Variants in HMGCLL1 observed in about 807,000 individuals in gnomAD.
The protein encoded by HMGCLL1 is 3-hydroxymethyl-3-methylglutaryl-CoA lyase, cytoplasmic.
A neutral mutation model predicts 39.1 loss-of-function variants in HMGCLL1; 36 were observed. The observed-to-expected ratio is 0.92, with a 90% CI of 0.71 to 1.22. The LOEUF (loss-of-function observed/expected upper bound fraction) is 1.22. HMGCLL1 is among the 50% of genes most tolerant of loss of function. The pLI is 0.00. For missense variants in HMGCLL1, 451 were observed against 416.5 expected, an observed-to-expected ratio of 1.08 and a Z score of -0.72; for synonymous variants, 149 against 144.0, an observed-to-expected ratio of 1.03 and a Z score of -0.25.
At chr6:55,609,238 A>T in the HMGCLL1 span, among the ~76,000 whole-genome samples, 1 of 152,032 alleles carries the variant, frequency 6.6e-6, no homozygotes. Context: ...TCCCTGGGGG[A>T]GGGGTGGCAG....
intron 7 of HMGCLL1, 22 bp from the exon 8 acceptor site, chr6:55,439,581 C>T (rs368293693): frequency 6.2e-6 from 10 of 1,608,258 alleles, no homozygotes; most frequent in Non-Finnish European, 8.5e-6. Flanking sequence ...ACCAAACCAC[C>T]TAAAGCTTGT....
Position 55,564,473 on chromosome 6 carries a change from G to A in HMGCLL1, c.108+14475C>T, listed in dbSNP as rs145133701. On this transcript the variant is annotated intron_variant, in intron 1 of 8. Transcript: ENST00000274901. ...TGTTACATATGTATACATGTGCCAT[G>A]TTGGTGTTCTTATTACATTTATTGC... Among the ~76,000 whole-genome samples, 72 of 152,098 alleles carry A rather than the reference G, an allele frequency of 4.7e-4. No individual in the cohort carries two copies. In the East Asian group the frequency reaches 0.013, roughly 27 times the overall value.
intron 1 of HMGCLL1, among the ~76,000 whole-genome samples, chr6:55,571,765 C>T (rs537134171): frequency 2.1e-4 from 32 of 151,960 alleles, no homozygotes; most frequent in Middle Eastern, 3.4e-3. Flanking sequence ...GTCGAGATCG[C>T]GCCACTGCAC....
intron 7 of HMGCLL1, among the ~76,000 whole-genome samples, chr6:55,491,379 CT>C (rs1283736358): frequency 6.6e-6 from 1 of 152,058 alleles, no homozygotes; most frequent in African/African-American, 2.4e-5. Context: ...AAACTGAAAG[CT>C]TTTGATGTAA....
chr6:55,543,594 A>G (rs1358986263), intron 1 of HMGCLL1, among the ~76,000 whole-genome samples: 1 of 75,704 alleles, frequency 1.3e-5, no homozygotes, highest in Non-Finnish European at 3.0e-5. Context: ...TTATATATAT[A>G]TATTTTTTTG....
chr6:55,550,515 C>T (rs1770270827), intron 1 of HMGCLL1, among the ~76,000 whole-genome samples: 1 of 151,846 alleles, frequency 6.6e-6, no homozygotes, highest in South Asian at 2.1e-4. Flanking sequence ...GTTATTGAAT[C>T]CAATGGCAAT....
chr6:55,483,164 T>G (rs1262825607), intron 7 of HMGCLL1, among the ~76,000 whole-genome samples: 5 of 152,194 alleles, frequency 3.3e-5, no homozygotes, highest in African/African-American at 1.2e-4. Context: ...GTCAATTCTT[T>G]GTAAATTATG....
At chr6:55,574,351 C>T (rs1301020301) in intron 1 of HMGCLL1, among the ~76,000 whole-genome samples, 1 of 151,138 alleles carries the variant, frequency 6.6e-6, no homozygotes, top group Non-Finnish European at 1.5e-5. Flanking sequence ...GTAAATACAC[C>T]ATATAGATAA....
At chr6:55,643,093 A>G in the HMGCLL1 span, among the ~76,000 whole-genome samples, 1 of 152,124 alleles carries the variant, frequency 6.6e-6, no homozygotes, top group African/African-American at 2.4e-5. Context: ...ATAATATAGC[A>G]ATGAACATAC....
At chr6:55,495,680 C>T in intron 6 of HMGCLL1, 73 bp from the exon 7 acceptor site, 1 of 1,112,614 alleles carries the variant, frequency 9.0e-7, no homozygotes, top group Non-Finnish European at 1.3e-6. Flanking sequence ...CCACAACTAA[C>T]ATCATCTAAA....
chr6:55,516,472 G>A (rs557193068), intron 4 of HMGCLL1, 36 bp downstream of exon 4: 79 of 1,269,442 alleles, frequency 6.2e-5, no homozygotes, highest in Non-Finnish European at 8.7e-5. Context: ...ACGATAAGAG[G>A]CCTATCAATT....
At chr6:55,626,347 T>C in the HMGCLL1 span, among the ~76,000 whole-genome samples, 1 of 152,112 alleles carries the variant, frequency 6.6e-6, no homozygotes, top group Non-Finnish European at 1.5e-5. Context: ...ACTCACTTTA[T>C]GGCTAAAGTG....
the HMGCLL1 span, among the ~76,000 whole-genome samples, chr6:55,599,936 G>C: frequency 6.6e-6 from 1 of 152,118 alleles, no homozygotes; most frequent in Non-Finnish European, 1.5e-5. Context: ...AAAGGTGTTG[G>C]CTATCTTGTC....
At chr6:55,584,048 GTACTCT>G (rs1772029048), upstream of HMGCLL1, among the ~76,000 whole-genome samples, 1 of 151,974 alleles carries the variant, frequency 6.6e-6, no homozygotes, top group Non-Finnish European at 1.5e-5. Flanking sequence ...TTGCTTAAAT[GTACTCT>G]TCCATTTGGT....
the HMGCLL1 span, among the ~76,000 whole-genome samples, chr6:55,586,565 C>A: frequency 1.6e-4 from 24 of 148,418 alleles, no homozygotes; most frequent in Admixed American, 1.6e-3. Context: ...CTACAACAGG[C>A]CCCAGTGTGT....
chr6:55,545,959 A>G (rs1385940623), intron 1 of HMGCLL1, among the ~76,000 whole-genome samples: 1 of 152,118 alleles, frequency 6.6e-6, no homozygotes, highest in Non-Finnish European at 1.5e-5. Flanking sequence ...AATGGCTCAC[A>G]CTGCAGGAGC....
At chr6:55,627,922 ATATATATAC>A in the HMGCLL1 span, among the ~76,000 whole-genome samples, 15 of 2,368 alleles carry the variant, frequency 6.3e-3, no homozygotes, top group South Asian at 0.018. Context: ...TATATATATA[ATATATATAC>A]TATATATATA....
At chr6:55,527,662 G>A (rs532104777) in intron 3 of HMGCLL1, among the ~76,000 whole-genome samples, 1 of 152,026 alleles carries the variant, frequency 6.6e-6, no homozygotes, top group East Asian at 1.9e-4. Context: ...CAGCCTAGAA[G>A]GGACCTCAAC....
At chr6:55,546,912 C>T (rs899236384) in intron 1 of HMGCLL1, among the ~76,000 whole-genome samples, 1 of 152,018 alleles carries the variant, frequency 6.6e-6, no homozygotes, top group Non-Finnish European at 1.5e-5. Flanking sequence ...TATGGCTGAG[C>T]GTATGCCCAC....
Sources: gnomAD v4.1 joint callset for allele counts (sites outside exome capture counted in the v4.1 genomes callset) on GRCh38, gnomAD v4.1.1 for gene constraint, MANE v1.5 for transcripts, NCBI Gene and HGNC (gene_info 2026-07-23, HGNC 2026-07-21) for gene names.